The following KANK1 variants were observed in gnomAD, a reference collection of about 807,000 sequenced individuals.
KANK1 encodes the protein KN motif and ankyrin repeat domains 1.
In KANK1, 109 loss-of-function variants were observed where a neutral mutation model predicts 106.2. The ratio of observed to expected loss-of-function variants is 1.03; its 90% CI spans 0.88 to 1.20. The LOEUF is 1.20. Among genes scored for constraint, KANK1 ranks in the 50% most tolerant of loss-of-function variants. The pLI is 0.00. For missense variants in KANK1, 2,399 were observed against 1,710.7 expected (o/e 1.40, Z -7.10); for synonymous variants, 873 against 652.2 (o/e 1.34, Z -5.16).
chr9:686,718 A>G (rs1049784022), intron 2 of KANK1: 4 of 975,686 alleles, frequency 4.1e-6, no homozygotes, highest in Non-Finnish European at 3.7e-6. Flanking sequence ...GCATCACGTC[A>G]TAAGTGCAAT....
chr9:744,485 C>T lies in KANK1; in HGVS notation c.3898-6C>T. Reference sequence around the variant, plus strand: ...ACATGGCTTGTTCTTTCCATCTTATCTTAAGGATGGCAGCACTGCGCTCTC... The same window carrying T: ...ACATGGCTTGTTCTTTCCATCTTATTTTAAGGATGGCAGCACTGCGCTCTC... On this transcript the variant is annotated splice_region_variant and splice_polypyrimidine_tract_variant and intron_variant, in intron 10 of 11. Transcript: ENST00000382297. 1 of 1,610,764 alleles carries T rather than the reference C, an allele frequency of 6.2e-7. No individual in the cohort carries two copies. The highest frequency in any genetic ancestry group is 8.5e-7 in the Non-Finnish European group (1 of 1,177,542).
intron 1 of KANK1, among the ~76,000 whole-genome samples, chr9:563,242 A>T (rs2134474217): frequency 6.6e-6 from 1 of 151,696 alleles, no homozygotes; most frequent in Non-Finnish European, 1.5e-5. Context: ...TTTTATGTGT[A>T]GCCCTCCCCA....
intron 1 of KANK1, among the ~76,000 whole-genome samples, chr9:525,059 A>G (rs1397912826): frequency 1.4e-5 from 2 of 143,314 alleles, no homozygotes; most frequent in Non-Finnish European, 3.0e-5. Context: ...CACTGCACCA[A>G]TCTCAGCTCA....
intron 1 of KANK1, among the ~76,000 whole-genome samples, chr9:587,080 A>G (rs979899273): frequency 5.9e-5 from 9 of 152,202 alleles, no homozygotes; most frequent in African/African-American, 2.2e-4. Context: ...TGATCACACT[A>G]GGAAATTGTC....
chr9:593,547 T>A (rs986195298), intron 1 of KANK1, among the ~76,000 whole-genome samples: 4 of 151,566 alleles, frequency 2.6e-5, no homozygotes, highest in African/African-American at 9.8e-5. Flanking sequence ...AGCCTTTGTT[T>A]TTTGGCTGGT....
At chr9:522,745 A>G (rs1423572012) in intron 1 of KANK1, among the ~76,000 whole-genome samples, 1 of 151,018 alleles carries the variant, frequency 6.6e-6, no homozygotes. Context: ...AATTCTGTAA[A>G]CTCTAATGCA....
intron 1 of KANK1, among the ~76,000 whole-genome samples, chr9:607,684 G>A (rs562763896): frequency 6.6e-6 from 1 of 151,626 alleles, no homozygotes; most frequent in Non-Finnish European, 1.5e-5. Flanking sequence ...CCCAGCAGCA[G>A]AGTGCTAGGA....
intron 1 of KANK1, among the ~76,000 whole-genome samples, chr9:506,943 C>T (rs376590974): frequency 2.0e-5 from 3 of 152,270 alleles, no homozygotes; most frequent in African/African-American, 7.2e-5. Flanking sequence ...AAGTTGGACA[C>T]TTCACTCGGG....
intron 1 of KANK1, among the ~76,000 whole-genome samples, chr9:603,872 T>C (rs995143447): frequency 1.4e-5 from 2 of 147,640 alleles, no homozygotes; most frequent in African/African-American, 5.1e-5. Flanking sequence ...GGCAGGAGAA[T>C]CACTTGAACC....
intron 1 of KANK1, among the ~76,000 whole-genome samples, chr9:653,778 G>A (rs996901680): frequency 2.0e-5 from 3 of 152,044 alleles, no homozygotes; most frequent in East Asian, 2.0e-4. Flanking sequence ...AAATAAAAAA[G>A]AAGGAGAGGA....
In KANK1 at chr9:744,747, C is replaced by T. The variant is rs975247503; in HGVS notation, c.3996+158C>T. Reference sequence around the variant, plus strand: ...GAGTTCATCCTTTCCGCCTCCACCCCGCAAAAAGCAGGAGAACTAATGTTT... The same window carrying T: ...GAGTTCATCCTTTCCGCCTCCACCCTGCAAAAAGCAGGAGAACTAATGTTT... On this transcript the variant is annotated intron_variant, in intron 11 of 11. Transcript: ENST00000382297. The T allele has an allele frequency of 9.1e-5, 138 of 1,509,694 alleles. 2 individuals are homozygous for T. In the East Asian group the frequency reaches 2.3e-3, roughly 26 times the overall value. 93.5% of individuals were successfully genotyped at this position (1,509,694 alleles called of 1,614,324 possible). A position where few individuals can be genotyped will look rare whatever the true frequency, so the allele number is the denominator to read the frequency against.
At chr9:643,570 T>C (rs191598926) in intron 1 of KANK1, among the ~76,000 whole-genome samples, 1,569 of 139,224 alleles carry the variant, frequency 0.011, 86 homozygotes, top group African/African-American at 0.044. Context: ...TTTTTGGTAG[T>C]GATAGGGTCT....
At chr9:505,710 C>T (rs929652063) in intron 1 of KANK1, among the ~76,000 whole-genome samples, 2 of 152,212 alleles carry the variant, frequency 1.3e-5, no homozygotes, top group African/African-American at 4.8e-5. Flanking sequence ...GCTTTCCGCA[C>T]GTGGCCTCTG....
At chr9:552,288 G>A (rs1305921494) in intron 1 of KANK1, among the ~76,000 whole-genome samples, 3 of 152,164 alleles carry the variant, frequency 2.0e-5, no homozygotes, top group Admixed American at 2.0e-4. Flanking sequence ...GGAAGAAGAC[G>A]AAAGTAGAAG....
Position 729,466 on chromosome 9 carries a change from G to C in KANK1, c.2699-585G>C, listed in dbSNP as rs1276902271. 2.6e-5 allele frequency among the ~76,000 whole-genome samples: 4 copies of C among 152,344 alleles called. No homozygotes were observed. In the East Asian group the frequency reaches 7.7e-4, roughly 29 times the overall value. ...TCCAGGTAGTAGAAGGGCATAAGCT[G>C]AGGCATGCTGCCAGGAAACAAGAGA... On this transcript the variant is annotated intron_variant, in intron 3 of 11. Coordinates refer to ENST00000382297, the MANE Select transcript of KANK1 (RefSeq NM_015158.5).
At position 711,755 on chromosome 9, in the gene KANK1, C is replaced by G. The variant is rs201101791; in HGVS notation, c.989C>G (p.Ser330Cys). 6.2e-6 allele frequency: 10 copies of G among 1,614,190 alleles called. No individual in the cohort carries two copies. In the East Asian group the frequency reaches 2.0e-4, roughly 32 times the overall value. ...RKRSYSAGNASQLEQLSRARR... is the reference protein window; with the variant it reads ...RKRSYSAGNACQLEQLSRARR... ...CGGTCCTATAGTGCGGGGAACGCCT[C>G]CCAGCTGGAACAGCTCTCCCGGGCC... The change falls in exon 3 of 12, where the codon TCC (serine) becomes TGC (cysteine). Residue 330 changes from serine (S) to cysteine (C), a missense_variant. Ser to Cys is a moderately radical substitution (Grantham distance 112). Coordinates refer to ENST00000382297, the MANE Select transcript of KANK1 (RefSeq NM_015158.5).
intron 1 of KANK1, among the ~76,000 whole-genome samples, chr9:517,316 A>G (rs1263886112): frequency 5.3e-5 from 8 of 151,554 alleles, no homozygotes; most frequent in Admixed American, 1.3e-4. Context: ...GTTGGCCAGG[A>G]TGGTCTCGAT....
chr9:576,150 C>G (rs1274760991), intron 1 of KANK1, among the ~76,000 whole-genome samples: 1 of 152,216 alleles, frequency 6.6e-6, no homozygotes, highest in Non-Finnish European at 1.5e-5. Context: ...ACTGCTTACT[C>G]TGAAGGTGGG....
chr9:517,531 C>G (rs915864893), intron 1 of KANK1, among the ~76,000 whole-genome samples: 1 of 151,684 alleles, frequency 6.6e-6, no homozygotes, highest in Non-Finnish European at 1.5e-5. Context: ...TTAGGATATT[C>G]ATGGGAAAAT....
Sources: gnomAD v4.1 joint callset for allele counts (sites outside exome capture counted in the v4.1 genomes callset) on GRCh38, gnomAD v4.1.1 for gene constraint, MANE v1.5 for transcripts, NCBI Gene and HGNC (gene_info 2026-07-23, HGNC 2026-07-21) for gene names.